LAMC2: variants seen among roughly 807,000 people sequenced by gnomAD.
LAMC2 encodes laminin subunit gamma 2.
LAMC2 carries 97 observed loss-of-function variants against 140.2 expected under a neutral mutation model. The observed-to-expected ratio is 0.69, with a 90% CI of 0.59 to 0.82. The LOEUF (loss-of-function observed/expected upper bound fraction) is 0.82. Ranked by LOEUF, LAMC2 falls within the 40% of genes least tolerant of loss-of-function variation. The probability of loss-of-function intolerance (pLI) is 0.00; values close to 1 mark genes in which losing one functional copy is unlikely to be tolerated. For synonymous variants in LAMC2, 513 were observed against 540.2 expected, an observed-to-expected ratio of 0.95 and a Z score of 0.70; for missense variants, 1,402 against 1,476.1, an observed-to-expected ratio of 0.95 and a Z score of 0.82.
rs552239568 is a variant in LAMC2, at chr1:183,218,885, T to C, written c.503+397T>C. Among the ~76,000 whole-genome samples, 4 of 152,306 alleles carry C rather than the reference T, an allele frequency of 2.6e-5. No individual in the cohort carries two copies. The East Asian group carries it at 7.7e-4, about 29-fold the overall frequency. ...TAATTAAACATGCTGCGAAAATTCT[T>C]GTAAGAGGGCCTATCACAGCATATG... On this transcript the variant is annotated intron_variant, in intron 4 of 22. Transcript: ENST00000264144.
At chr1:183,197,402 C>T (rs1286715030) in intron 1 of LAMC2, among the ~76,000 whole-genome samples, 1 of 152,182 alleles carries the variant, frequency 6.6e-6, no homozygotes, top group Non-Finnish European at 1.5e-5. Context: ...GAGCTGGGCG[C>T]AGTGACTCGT....
At chr1:183,216,609 C>T (rs144167622) in intron 3 of LAMC2, among the ~76,000 whole-genome samples, 124 of 152,264 alleles carry the variant, frequency 8.1e-4, no homozygotes, top group African/African-American at 2.7e-3. Flanking sequence ...CTGCCTTCCC[C>T]GAAGCCGTGC....
chr1:183,205,017 T>G (rs34676261), intron 1 of LAMC2, among the ~76,000 whole-genome samples: 19,070 of 152,136 alleles, frequency 0.13, 1,179 homozygotes, highest in East Asian at 0.23. Flanking sequence ...GAGACGGGGT[T>G]TCACTATGTT....
chr1:183,248,954 T>C (rs201704274), downstream of LAMC2: 80 of 150,180 alleles, frequency 5.3e-4, no homozygotes, highest in Non-Finnish European at 9.3e-4. Context: ...AGAGTAGAAT[T>C]GGGCTGGTAA....
intron 12 of LAMC2, among the ~76,000 whole-genome samples, 192 bp downstream of exon 12, chr1:183,231,295 T>C (rs959378176): frequency 1.3e-5 from 2 of 152,362 alleles, no homozygotes; most frequent in African/African-American, 4.8e-5. Flanking sequence ...TTTATGTCTT[T>C]ATATATACCA....
chr1:183,218,505 G>C lies in LAMC2; in HGVS notation c.503+17G>C. 6.3e-7 allele frequency: 1 copy of C among 1,591,284 alleles called. No individual in the cohort carries two copies. Among genetic ancestry groups the C allele is most frequent in the South Asian group, 1.1e-5 (1 of 90,130 alleles). On this transcript the variant is annotated intron_variant, in intron 4 of 22. Transcript: ENST00000264144. ...CTGTGATAGGTCTGTGTGAACCGTG[G>C]CCCTACAAACAGCAGAGAGAGTCCC...
At chr1:183,221,715 C>A (rs1434954408) in intron 5 of LAMC2, among the ~76,000 whole-genome samples, 2 of 148,762 alleles carry the variant, frequency 1.3e-5, no homozygotes, top group Non-Finnish European at 3.0e-5. Context: ...GGTGACAGAG[C>A]GAGACTCCGT....
chr1:183,202,568 G>T (rs1658743484), intron 1 of LAMC2, among the ~76,000 whole-genome samples: 1 of 152,094 alleles, frequency 6.6e-6, no homozygotes, highest in Admixed American at 6.6e-5. Flanking sequence ...AAAACATTGT[G>T]CCATAAGAAA....
intron 1 of LAMC2, among the ~76,000 whole-genome samples, chr1:183,206,418 C>T (rs1406732357): frequency 1.1e-4 from 16 of 152,026 alleles, no homozygotes; most frequent in Admixed American, 7.2e-4. Context: ...CCGAGGCAGG[C>T]GGATCACCTG....
intron 15 of LAMC2, among the ~76,000 whole-genome samples, chr1:183,235,324 C>G (rs528521637): frequency 6.6e-6 from 1 of 152,320 alleles, no homozygotes; most frequent in African/African-American, 2.4e-5. Context: ...CCACACTCCA[C>G]CCCGCTCCGG....
chr1:183,218,285 G>C (rs1659341330), intron 3 of LAMC2, 105 bp from the exon 4 acceptor site: 2 of 916,656 alleles, frequency 2.2e-6, no homozygotes, highest in Non-Finnish European at 3.6e-6. Context: ...ATCGAAGAAG[G>C]ACTGCCCAGC....
At chr1:183,218,598 A>G in intron 4 of LAMC2, 110 bp downstream of exon 4, 2 of 834,046 alleles carry the variant, frequency 2.4e-6, no homozygotes, top group Admixed American at 2.0e-5. Context: ...ACAAACGTTG[A>G]TGACCTTCTT....
intron 1 of LAMC2, among the ~76,000 whole-genome samples, chr1:183,193,691 C>T (rs937013529): frequency 6.6e-6 from 1 of 152,100 alleles, no homozygotes; most frequent in African/African-American, 2.4e-5. Flanking sequence ...GGCAGTTGTA[C>T]CATGGTAGGA....
In LAMC2 at chr1:183,240,193, C is replaced by T; in HGVS notation, c.3223C>T (p.Gln1075Ter). Residue 1075 changes from glutamine to a stop codon, truncating the protein, a stop_gained, in exon 21 of 23, where the codon CAG becomes TAG. Coordinates refer to ENST00000264144, the MANE Select transcript of LAMC2 (RefSeq NM_005562.3). LOFTEE classifies it high-confidence loss of function. ...GTTTGACACGAATATGGATGCAGTA[C>T]AGATGGTGAGTTCCTGTTGCTTTCC... is the stretch of plus-strand genomic sequence containing the variant. Reference protein sequence around the residue: ...LEFDTNMDAVQMVITEAQKVD... With the variant: ...LEFDTNMDAV 6.2e-7 allele frequency: 1 copy of T among 1,614,190 alleles called. No homozygotes were observed. Among genetic ancestry groups the T allele is most frequent in the East Asian group, 2.2e-5 (1 of 44,888 alleles).
chr1:183,205,537 G>C (rs552510492), intron 1 of LAMC2, among the ~76,000 whole-genome samples: 29 of 152,266 alleles, frequency 1.9e-4, no homozygotes, highest in African/African-American at 6.7e-4. Flanking sequence ...TTGCAGTACT[G>C]GTCATATGAA....
chr1:183,252,332 A>C, the LAMC2 span: 1 of 332,234 alleles, frequency 3.0e-6, no homozygotes, highest in Non-Finnish European at 5.7e-6. Context: ...GAGGATGGGC[A>C]CCAGAGCCGC....
At chr1:183,248,702 G>A (rs1660290490), downstream of LAMC2, 1 of 152,162 alleles carries the variant, frequency 6.6e-6, no homozygotes, top group South Asian at 2.1e-4. Flanking sequence ...TATTCCTAAG[G>A]TGTCCTAATT....
chr1:183,251,855 TTGC>T, the LAMC2 span: 43,136 of 162,976 alleles, frequency 0.26, 7,400 homozygotes, highest in African/African-American at 0.48. Flanking sequence ...TGATCAAAGG[TTGC>T]TGCTGCTGCT....
Position 183,187,692 on chromosome 1 carries a change from A to G in LAMC2, c.79+1261A>G, listed in dbSNP as rs1467336008. On this transcript the variant is annotated intron_variant, in intron 1 of 22. Transcript: ENST00000264144. ...GGTATGTTCTCTTAGGGCTGGGATA[A>G]GAAGTCTCAGCCTAATGGAAGACAT... Among the ~76,000 whole-genome samples the G allele has an allele frequency of 2.6e-5, 4 of 152,250 alleles. No individual in the cohort carries two copies. The East Asian group carries it at 7.7e-4, about 29-fold the overall frequency.
Sources: allele counts gnomAD v4.1 joint callset (sites outside exome capture counted in the v4.1 genomes callset), GRCh38; gene constraint gnomAD v4.1.1; transcripts MANE v1.5; gene names NCBI Gene and HGNC (gene_info 2026-07-23, HGNC 2026-07-21).